The following ADGRL3 variants were observed in gnomAD, a reference collection of about 807,000 sequenced individuals.
ADGRL3 encodes the protein calcium-independent alpha-latrotoxin receptor 3.
A neutral mutation model predicts 153.5 loss-of-function variants in ADGRL3; 62 were observed. The observed-to-expected ratio is 0.40, with a 90% CI of 0.33 to 0.50. The LOEUF is 0.50. ADGRL3 is among the 20% of genes least tolerant of loss of function. ADGRL3 has a pLI of 0.47. For missense variants in ADGRL3, 1,641 were observed against 1,859.4 expected (o/e 0.88, Z 2.16); for synonymous variants, 710 against 672.5 (o/e 1.06, Z -0.86).
intron 2 of ADGRL3, among the ~76,000 whole-genome samples, chr4:61,456,270 A>G (rs2097735114): frequency 6.6e-6 from 1 of 150,404 alleles, no homozygotes; most frequent in African/African-American, 2.4e-5. Context: ...TAGTGAACAT[A>G]TCTGTTTCAT....
At position 61,362,064 on chromosome 4, in the gene ADGRL3, A is replaced by G. The variant is rs1257701858; in HGVS notation, c.-239-21060A>G. On this transcript the variant is annotated intron_variant, in intron 1 of 26. Coordinates refer to ENST00000683033, the MANE Select transcript of ADGRL3 (RefSeq NM_001387552.1). ...GTCACCCAGGCTGGAGTGCAGTGGC[A>G]TAATCTCTACTCACTGCAGCCTCCA... Among the ~76,000 whole-genome samples, 4 of 150,814 alleles carry G rather than the reference A, an allele frequency of 2.7e-5. No homozygotes were observed. The East Asian group carries it at 7.8e-4, about 29-fold the overall frequency.
intron 2 of ADGRL3, among the ~76,000 whole-genome samples, chr4:61,391,855 C>CT (rs869176171): frequency 0.17 from 15,803 of 93,570 alleles, 2,446 homozygotes; most frequent in South Asian, 0.22. Context: ...AAAAATGCTA[C>CT]TTTTTTTTTT....
chr4:61,932,062 C>T (rs900895103), intron 13 of ADGRL3, among the ~76,000 whole-genome samples: 3 of 151,874 alleles, frequency 2.0e-5, no homozygotes, highest in African/African-American at 7.3e-5. Context: ...CACATACATA[C>T]AGTCTTTTAT....
chr4:61,689,768 A>G (rs768436554), intron 6 of ADGRL3, among the ~76,000 whole-genome samples: 1 of 152,158 alleles, frequency 6.6e-6, no homozygotes, highest in African/African-American at 2.4e-5. Flanking sequence ...GTTGCTTTCA[A>G]TATGATCTAT....
intron 13 of ADGRL3, among the ~76,000 whole-genome samples, chr4:61,921,739 T>A (rs2149986841): frequency 6.6e-6 from 1 of 152,326 alleles, no homozygotes; most frequent in East Asian, 1.9e-4. Context: ...CAGAGAAGAC[T>A]ATTTTTACTC....
intron 21 of ADGRL3, among the ~76,000 whole-genome samples, chr4:62,004,790 T>A (rs1399775693): frequency 6.6e-6 from 1 of 152,082 alleles, no homozygotes; most frequent in East Asian, 1.9e-4. Context: ...TTTTAAGAAT[T>A]AGCTAGAAAA....
intron 1 of ADGRL3, among the ~76,000 whole-genome samples, chr4:61,321,088 C>G (rs1014292761): frequency 2.0e-5 from 3 of 152,122 alleles, no homozygotes; most frequent in Admixed American, 1.3e-4. Flanking sequence ...GTAGATAATC[C>G]TAGATAATCT....
chr4:61,611,741 T>C (rs1301241418), intron 5 of ADGRL3, among the ~76,000 whole-genome samples: 1 of 152,148 alleles, frequency 6.6e-6, no homozygotes, highest in South Asian at 2.1e-4. Context: ...GGTAATATAG[T>C]GAGACCTCAT....
At chr4:61,982,498 A>G (rs1157885510) in intron 18 of ADGRL3, among the ~76,000 whole-genome samples, 2 of 152,170 alleles carry the variant, frequency 1.3e-5, no homozygotes, top group Non-Finnish European at 2.9e-5. Flanking sequence ...TGTTACTCTG[A>G]TAACTTCGGT....
intron 9 of ADGRL3, among the ~76,000 whole-genome samples, chr4:61,868,748 C>T (rs1379973625): frequency 6.6e-6 from 1 of 152,126 alleles, no homozygotes; most frequent in Non-Finnish European, 1.5e-5. Context: ...AATTAAAGTC[C>T]TTGGCAAGGC....
chr4:61,966,097 T>C (rs2099005609), intron 17 of ADGRL3, among the ~76,000 whole-genome samples: 1 of 152,184 alleles, frequency 6.6e-6, no homozygotes, highest in African/African-American at 2.4e-5. Context: ...AAATATTCTT[T>C]TTTTCTGAAA....
At chr4:61,307,875 CT>C (rs2094850997) in intron 1 of ADGRL3, among the ~76,000 whole-genome samples, 1 of 152,090 alleles carries the variant, frequency 6.6e-6, no homozygotes. Context: ...CATATTCTCC[CT>C]CTCTGTCATT....
intron 1 of ADGRL3, among the ~76,000 whole-genome samples, chr4:61,270,682 A>G (rs2093121277): frequency 6.6e-6 from 1 of 151,772 alleles, no homozygotes. Context: ...CAGACTAAAC[A>G]TAAGAATGAC....
intron 6 of ADGRL3, among the ~76,000 whole-genome samples, chr4:61,729,018 A>G (rs897808295): frequency 3.6e-4 from 54 of 152,010 alleles, no homozygotes; most frequent in African/African-American, 9.4e-4. Context: ...GAGTTTTTAA[A>G]AGCATCCAAG....
At chr4:61,783,596 T>C (rs2097241195) in intron 8 of ADGRL3, among the ~76,000 whole-genome samples, 2 of 152,084 alleles carry the variant, frequency 1.3e-5, no homozygotes, top group Non-Finnish European at 1.5e-5. Context: ...TTATTCAACA[T>C]TTGGTGAATA....
intron 2 of ADGRL3, among the ~76,000 whole-genome samples, chr4:61,384,612 C>T (rs1030143142): frequency 6.6e-6 from 1 of 151,662 alleles, no homozygotes; most frequent in Admixed American, 6.6e-5. Flanking sequence ...AAAATTAACC[C>T]TTCTAGATAT....
At chr4:61,714,220 C>T (rs1561110257) in intron 6 of ADGRL3, among the ~76,000 whole-genome samples, 3 of 150,182 alleles carry the variant, frequency 2.0e-5, no homozygotes, top group Non-Finnish European at 1.5e-5. Context: ...ATGTAAAATA[C>T]GCACACACAC....
chr4:62,004,428 T>A (rs2099150885), intron 21 of ADGRL3, among the ~76,000 whole-genome samples: 1 of 151,894 alleles, frequency 6.6e-6, no homozygotes, highest in African/African-American at 2.4e-5. Context: ...TTGAGGAAAA[T>A]TTTTAGAACT....
intron 12 of ADGRL3, among the ~76,000 whole-genome samples, chr4:61,911,267 A>C (rs2098720628): frequency 6.6e-6 from 1 of 152,180 alleles, no homozygotes; most frequent in Non-Finnish European, 1.5e-5. Flanking sequence ...TGACAATATC[A>C]GGTAAAGCTG....
Sources: gnomAD v4.1 joint callset for allele counts (sites outside exome capture counted in the v4.1 genomes callset) on GRCh38, gnomAD v4.1.1 for gene constraint, MANE v1.5 for transcripts, NCBI Gene and HGNC (gene_info 2026-07-23, HGNC 2026-07-21) for gene names.